CASP4: variants seen among roughly 807,000 people sequenced by gnomAD.
The protein encoded by CASP4 is caspase-4.
A neutral mutation model predicts 41.3 loss-of-function variants in CASP4; 29 were observed. That is an observed-to-expected ratio of 0.70 (90% CI 0.52 to 0.96). The LOEUF (loss-of-function observed/expected upper bound fraction) is 0.96. Among genes scored for constraint, CASP4 ranks in the 40% least tolerant of loss-of-function variants. The probability of loss-of-function intolerance (pLI) is 0.00; values close to 1 mark genes in which losing one functional copy is unlikely to be tolerated. For missense variants in CASP4, 447 were observed against 460.6 expected (o/e 0.97, Z 0.27); for synonymous variants, 185 against 158.4 (o/e 1.17, Z -1.26).
At chr11:104,956,182 T>G (rs929429132) in intron 1 of CASP4, among the ~76,000 whole-genome samples, 6 of 152,146 alleles carry the variant, frequency 3.9e-5, no homozygotes, top group African/African-American at 1.4e-4. Context: ...TACATATCAC[T>G]GTACCAAAGG....
At chr11:104,958,020 G>T (rs992734947) in intron 1 of CASP4, among the ~76,000 whole-genome samples, 10 of 152,066 alleles carry the variant, frequency 6.6e-5, no homozygotes, top group Admixed American at 5.9e-4. Context: ...TTCAACAAAG[G>T]TTTCATGAAC....
chr11:104,943,921 T>C (rs1273872603), intron 8 of CASP4: 2 of 152,202 alleles, frequency 1.3e-5, no homozygotes, highest in Non-Finnish European at 2.9e-5. Flanking sequence ...TAAGTATGTA[T>C]CTTAGAGGGA....
At chr11:104,951,720 T>C (rs1860617117) in intron 3 of CASP4, 176 bp downstream of exon 3, 1 of 653,274 alleles carries the variant, frequency 1.5e-6, no homozygotes, top group Admixed American at 2.2e-5. Context: ...CATCATGGAT[T>C]GAGAAAGGAT....
At position 104,951,919 on chromosome 11, in the gene CASP4, G is replaced by T. The variant is rs374421410; in HGVS notation, c.349C>A (p.Leu117Ile). ...ACCTCTTCAGCTCTTTCTTTACATA[G>T]TCTCAGGAATTCTTCATGAGGACAA... Reference protein sequence around the residue: ...KLCPHEEFLRLCKERAEEIYP... With the variant: ...KLCPHEEFLRICKERAEEIYP... The change falls in exon 3 of 9, where the codon CTA becomes ATA. Residue 117 changes from leucine (L) to isoleucine (I), a missense_variant. Leu to Ile is a conservative substitution (Grantham distance 5, BLOSUM62 2). Coordinates refer to ENST00000444739, the MANE Select transcript of CASP4 (RefSeq NM_001225.4). 3.1e-6 allele frequency: 5 copies of T among 1,609,780 alleles called. No homozygotes were observed. The highest frequency in any genetic ancestry group is 4.2e-6 in the Non-Finnish European group (5 of 1,176,746).
At chr11:104,963,880 T>C (rs1860915726) in intron 1 of CASP4, among the ~76,000 whole-genome samples, 1 of 152,202 alleles carries the variant, frequency 6.6e-6, no homozygotes, top group South Asian at 2.1e-4. Context: ...CAGCTGTGCC[T>C]GCTTATTTAG....
chr11:104,952,089 C>T (rs1860630962), intron 2 of CASP4, 84 bp from the exon 3 acceptor site: 1 of 800,904 alleles, frequency 1.2e-6, no homozygotes. Context: ...GAGAAGACGT[C>T]CTGGGAAGAT....
rs558999956 is a variant in CASP4 at position 104,955,003 on chromosome 11, T to TGTG, written c.8-3_8-2insCAC. The TGTG allele has an allele frequency of 2.6e-3, 4,231 of 1,611,842 alleles. 55 individuals are homozygous for TGTG. The highest frequency in any genetic ancestry group is 4.1e-3 in the Middle Eastern group (25 of 6,048). On this transcript the variant is annotated splice_region_variant and splice_polypyrimidine_tract_variant and intron_variant, in intron 1 of 8. Coordinates refer to ENST00000444739, the MANE Select transcript of CASP4 (RefSeq NM_001225.4). ...GTGGCTTTTTTCTGTGGTTGCCTTCTGTTAGAAATAGAAAGATTCCTTTAA... is the reference window on the plus strand; with the variant it reads ...GTGGCTTTTTTCTGTGGTTGCCTTCTGTGGTTAGAAATAGAAAGATTCCTTTAA...
rs770023535 is a variant in CASP4 at position 104,949,769 on chromosome 11, C to A, written c.555G>T (p.Glu185Asp). 4 of 1,613,670 alleles carry A rather than the reference C, an allele frequency of 2.5e-6. No homozygotes were observed. The Middle Eastern group carries it at 5.0e-4, about 200-fold the overall frequency. Reference protein sequence around the residue: ...VEENLTARDMESALRAFATRP... With the variant: ...VEENLTARDMDSALRAFATRP... ...TGGTAGCAAATGCCCTCAGCGCTGA[C>A]TCCATATCCTGTAAAAGAGCAATGT... The change falls in exon 5 of 9, where the codon GAG becomes GAT. Residue 185 changes from glutamate to aspartate, a missense_variant. Glu to Asp is a conservative substitution (Grantham distance 45). Coordinates refer to ENST00000444739, the MANE Select transcript of CASP4 (RefSeq NM_001225.4).
intron 1 of CASP4, 51 bp from the exon 2 acceptor site, chr11:104,955,052 T>C (rs1228675856): frequency 1.9e-6 from 3 of 1,551,528 alleles, no homozygotes; most frequent in South Asian, 1.2e-5. Flanking sequence ...TTAAAGAGTT[T>C]CACCCTCACT....
intron 1 of CASP4, among the ~76,000 whole-genome samples, chr11:104,961,284 C>T (rs1318455131): frequency 1.3e-5 from 2 of 152,226 alleles, no homozygotes; most frequent in African/African-American, 4.8e-5. Context: ...ACAGGGTTTC[C>T]GTCTGTAGCT....
chr11:104,948,906 A>T (rs1734451438), intron 5 of CASP4: 1 of 343,880 alleles, frequency 2.9e-6, no homozygotes, highest in African/African-American at 2.1e-5. Flanking sequence ...TGAATTTACC[A>T]TTTTCTAGAA....
At chr11:104,945,252 CTTTTT>C (rs150869769) in intron 7 of CASP4, among the ~76,000 whole-genome samples, 30 of 142,350 alleles carry the variant, frequency 2.1e-4, no homozygotes, top group Non-Finnish European at 2.4e-4. Flanking sequence ...TCTTATCTTT[CTTTTT>C]TTTTTTTTTT....
chr11:104,949,800 T>A, intron 4 of CASP4, 23 bp from the exon 5 acceptor site: 1 of 1,607,856 alleles, frequency 6.2e-7, no homozygotes, highest in Admixed American at 1.7e-5. Flanking sequence ...AATGTCTAAC[T>A]TCAGTCAGAG....
intron 1 of CASP4, chr11:104,956,733 CA>C: frequency 5.8e-5 from 36 of 617,546 alleles, no homozygotes; most frequent in South Asian, 7.3e-5. Context: ...CTTGCAACAT[CA>C]GGTACAGATG....
intron 1 of CASP4, among the ~76,000 whole-genome samples, chr11:104,960,299 C>A (rs1320168359): frequency 1.3e-5 from 2 of 152,090 alleles, no homozygotes; most frequent in Non-Finnish European, 2.9e-5. Flanking sequence ...GGTTTTTGAA[C>A]TGTTCTCTGT....
intron 1 of CASP4, among the ~76,000 whole-genome samples, chr11:104,966,680 G>A (rs977486533): frequency 6.6e-6 from 1 of 152,096 alleles, no homozygotes; most frequent in East Asian, 1.9e-4. Flanking sequence ...GGGAGAGCTG[G>A]GCTTTAGAAG....
chr11:104,948,785 C>T (rs541577425), intron 5 of CASP4, 109 bp from the exon 6 acceptor site: 9 of 818,674 alleles, frequency 1.1e-5, no homozygotes, highest in Non-Finnish European at 1.5e-5. Flanking sequence ...TTCATACATA[C>T]AGACCCACAC....
At chr11:104,944,421 CTATG>C (rs1357525309) in intron 8 of CASP4, 1 of 250,070 alleles carries the variant, frequency 4.0e-6, no homozygotes, top group Admixed American at 5.1e-5. Flanking sequence ...AAGAGAAAGA[CTATG>C]AGAGATAAAT....
intron 1 of CASP4, among the ~76,000 whole-genome samples, chr11:104,960,304 CTCTGTCTA>C (rs752263850): frequency 9.9e-5 from 15 of 152,020 alleles, no homozygotes; most frequent in Admixed American, 3.3e-4. Context: ...TTGAACTGTT[CTCTGTCTA>C]TCTGTCTATC....
Sources: gnomAD v4.1 joint callset for allele counts (sites outside exome capture counted in the v4.1 genomes callset) on GRCh38, gnomAD v4.1.1 for gene constraint, MANE v1.5 for transcripts, NCBI Gene and HGNC (gene_info 2026-07-23, HGNC 2026-07-21) for gene names.